DEPTOR: variants seen among roughly 807,000 people sequenced by gnomAD.
The protein encoded by DEPTOR is DEP domain containing MTOR interacting protein.
In DEPTOR, 41 loss-of-function variants were observed where a neutral mutation model predicts 41.6. The ratio of observed to expected loss-of-function variants is 0.98; its 90% CI spans 0.77 to 1.28. The LOEUF (loss-of-function observed/expected upper bound fraction) is 1.28, where lower values mean the gene tolerates loss of function less well. Ranked by LOEUF, DEPTOR falls within the 50% of genes most tolerant of loss-of-function variation. DEPTOR has a pLI of 0.00. For synonymous variants in DEPTOR, 195 were observed against 192.3 expected (o/e 1.01, Z -0.12); for missense variants, 514 against 527.9 (o/e 0.97, Z 0.26).
chr8:119,941,359 G>A (rs1029871114), intron 3 of DEPTOR, among the ~76,000 whole-genome samples: 4 of 84,240 alleles, frequency 4.7e-5, no homozygotes, highest in Non-Finnish European at 8.5e-5. Flanking sequence ...GGCAACAAGA[G>A]CAAATCTCCA....
intron 1 of DEPTOR, chr8:119,874,375 C>T (rs1827206472): frequency 4.4e-6 from 1 of 229,650 alleles, no homozygotes; most frequent in Non-Finnish European, 8.5e-6. Flanking sequence ...GAGGCGACCC[C>T]AGCCCCTCTA....
chr8:120,008,934 T>A, intron 7 of DEPTOR, 95 bp from the exon 8 acceptor site: 1 of 1,105,652 alleles, frequency 9.0e-7, no homozygotes, highest in Non-Finnish European at 1.4e-6. Flanking sequence ...TGTCACAGTG[T>A]ATACTTAATC....
intron 1 of DEPTOR, among the ~76,000 whole-genome samples, chr8:119,887,981 G>A (rs1827395703): frequency 6.6e-6 from 1 of 151,914 alleles, no homozygotes; most frequent in Non-Finnish European, 1.5e-5. Flanking sequence ...CAACACACCT[G>A]GCTAATTTTT....
At chr8:119,876,188 A>G (rs1381219607) in intron 1 of DEPTOR, among the ~76,000 whole-genome samples, 3 of 152,180 alleles carry the variant, frequency 2.0e-5, no homozygotes, top group Non-Finnish European at 4.4e-5. Flanking sequence ...CCACTTTTCT[A>G]GCGCCTCTCT....
chr8:119,916,984 T>C (rs1381388813), intron 1 of DEPTOR, among the ~76,000 whole-genome samples: 1 of 152,216 alleles, frequency 6.6e-6, no homozygotes, highest in Non-Finnish European at 1.5e-5. Context: ...TTGCCAAGGC[T>C]GGTCTCGTAC....
intron 8 of DEPTOR, among the ~76,000 whole-genome samples, chr8:120,030,496 A>ATTT (rs1812870115): frequency 3.2e-5 from 1 of 30,906 alleles, no homozygotes; most frequent in Non-Finnish European, 7.0e-5. Flanking sequence ...TAGGTTCATC[A>ATTT]GTTTTTTTTT....
intron 8 of DEPTOR, among the ~76,000 whole-genome samples, chr8:120,015,620 A>G (rs1006777160): frequency 3.9e-5 from 6 of 152,130 alleles, no homozygotes; most frequent in Non-Finnish European, 8.8e-5. Flanking sequence ...ACACACGTGG[A>G]GTGGTTTTAA....
Position 119,873,759 on chromosome 8 carries a change from C to T in DEPTOR, c.-88C>T, listed in dbSNP as rs1407710497. 27 of 1,550,268 alleles carry T rather than the reference C, an allele frequency of 1.7e-5. No homozygotes were observed. Among genetic ancestry groups the T allele is most frequent in the Middle Eastern group, 2.3e-4 (1 of 4,340 alleles). On this transcript the variant is annotated 5_prime_UTR_variant, in exon 1 of 9. Coordinates refer to ENST00000286234, the MANE Select transcript of DEPTOR (RefSeq NM_022783.4). ...GGAGCTGCCCCGAACAAAGATGGCGCGGGAAGCGTCTGTGAGGGCAGACTG... is the reference window on the plus strand; with the variant it reads ...GGAGCTGCCCCGAACAAAGATGGCGTGGGAAGCGTCTGTGAGGGCAGACTG...
intron 8 of DEPTOR, among the ~76,000 whole-genome samples, chr8:120,017,492 C>A (rs988957737): frequency 1.3e-5 from 2 of 152,234 alleles, no homozygotes; most frequent in East Asian, 1.9e-4. Flanking sequence ...CCTTTCGTGT[C>A]TTCCGCAGAG....
At chr8:119,979,297 G>A (rs937228514) in intron 4 of DEPTOR, among the ~76,000 whole-genome samples, 1 of 151,822 alleles carries the variant, frequency 6.6e-6, no homozygotes, top group African/African-American at 2.4e-5. Flanking sequence ...TTTTTCTTGA[G>A]GTGGAGTCTT....
At chr8:119,905,627 A>G (rs1423457695) in intron 1 of DEPTOR, among the ~76,000 whole-genome samples, 1 of 103,336 alleles carries the variant, frequency 9.7e-6, no homozygotes. Flanking sequence ...TGGGCTTTAT[A>G]TGGGCTTTTT....
chr8:119,888,858 CAAAA>C (rs34471575), intron 1 of DEPTOR, among the ~76,000 whole-genome samples: 8 of 63,862 alleles, frequency 1.3e-4, no homozygotes, highest in East Asian at 1.1e-3. Flanking sequence ...TCTGTCTCAG[CAAAA>C]AAAAAAAAAA....
At chr8:119,892,842 G>T (rs1456951669) in intron 1 of DEPTOR, among the ~76,000 whole-genome samples, 1 of 151,910 alleles carries the variant, frequency 6.6e-6, no homozygotes, top group Non-Finnish European at 1.5e-5. Context: ...GAGTGCAGTG[G>T]CACGATCTTG....
intron 4 of DEPTOR, among the ~76,000 whole-genome samples, chr8:119,978,152 C>A (rs1828719808): frequency 6.6e-6 from 1 of 152,154 alleles, no homozygotes; most frequent in Admixed American, 6.5e-5. Flanking sequence ...AGTATGAGGT[C>A]CTCACTTTGC....
intron 1 of DEPTOR, among the ~76,000 whole-genome samples, chr8:119,916,035 CAA>C (rs1827808153): frequency 6.6e-6 from 1 of 150,832 alleles, no homozygotes; most frequent in African/African-American, 2.4e-5. Context: ...TTAATCCTCT[CAA>C]TAACCCTATG....
intron 4 of DEPTOR, among the ~76,000 whole-genome samples, chr8:119,973,329 G>A (rs528375029): frequency 6.6e-5 from 10 of 152,096 alleles, no homozygotes; most frequent in Admixed American, 1.3e-4. Flanking sequence ...TGACCTCCCA[G>A]GCTAAAGCAG....
At chr8:120,010,903 T>C (rs1812523364) in intron 8 of DEPTOR, among the ~76,000 whole-genome samples, 1 of 152,220 alleles carries the variant, frequency 6.6e-6, no homozygotes, top group Non-Finnish European at 1.5e-5. Flanking sequence ...TTGAAATACC[T>C]TTATATAGCA....
chr8:119,964,312 C>T lies in DEPTOR; in HGVS notation c.426-920C>T, dbSNP rs113558377. On this transcript the variant is annotated intron_variant, in intron 3 of 8. Coordinates refer to ENST00000286234, the MANE Select transcript of DEPTOR (RefSeq NM_022783.4). ...TGGGCGGATCACGAGGTCAGGAGTTCGAGACCAGCCTGGACAATATGGTGA... is the reference window on the plus strand; with the variant it reads ...TGGGCGGATCACGAGGTCAGGAGTTTGAGACCAGCCTGGACAATATGGTGA... Among the ~76,000 whole-genome samples the T allele has an allele frequency of 3.4e-3, 513 of 151,990 alleles. 3 individuals carry two copies. Among genetic ancestry groups the T allele is most frequent in the African/African-American group, 0.012 (492 of 41,476 alleles).
At chr8:119,967,928 T>C (rs1431880161) in intron 4 of DEPTOR, among the ~76,000 whole-genome samples, 1 of 152,148 alleles carries the variant, frequency 6.6e-6, no homozygotes, top group Non-Finnish European at 1.5e-5. Flanking sequence ...GAGGCATTGC[T>C]TGGAGTGAGT....
Sources: allele counts gnomAD v4.1 joint callset (sites outside exome capture counted in the v4.1 genomes callset), GRCh38; gene constraint gnomAD v4.1.1; transcripts MANE v1.5; gene names NCBI Gene and HGNC (gene_info 2026-07-23, HGNC 2026-07-21).